CNOT1: variants seen among roughly 807,000 people sequenced by gnomAD.
CNOT1 encodes the protein CCR4-associated factor 1.
A neutral mutation model predicts 273.8 loss-of-function variants in CNOT1; 15 were observed. That is an observed-to-expected ratio of 0.05 (90% confidence interval 0.04 to 0.08). The LOEUF (loss-of-function observed/expected upper bound fraction) is 0.08, where lower values mean the gene tolerates loss of function less well. Among genes scored for constraint, CNOT1 ranks in the 10% least tolerant of loss-of-function variants. The pLI is 1.00. For missense variants in CNOT1, 1,644 were observed against 2,912.2 expected (o/e 0.56, Z 10.02); for synonymous variants, 1,022 against 1,005.5 (o/e 1.02, Z -0.31).
chr16:58,608,068 C>A (rs2042752361), intron 1 of CNOT1, among the ~76,000 whole-genome samples: 1 of 151,586 alleles, frequency 6.6e-6, no homozygotes, highest in Admixed American at 6.6e-5. Flanking sequence ...CCCACCTACT[C>A]AGGAGGATAA....
chr16:58,521,419 C>A, intron 47 of CNOT1, 102 bp from the exon 48 acceptor site: 2 of 1,209,968 alleles, frequency 1.7e-6, no homozygotes, highest in Non-Finnish European at 2.3e-6. Flanking sequence ...TATTGAACCA[C>A]ATGCAAAAGT....
At chr16:58,544,228 A>G (rs2040185461) in intron 30 of CNOT1, among the ~76,000 whole-genome samples, 2 of 152,218 alleles carry the variant, frequency 1.3e-5, no homozygotes, top group Non-Finnish European at 2.9e-5. Flanking sequence ...TGCTCTTAAA[A>G]GAAAGCAACT....
intron 1 of CNOT1, among the ~76,000 whole-genome samples, chr16:58,629,344 G>C (rs1285985164): frequency 6.6e-6 from 1 of 152,238 alleles, no homozygotes; most frequent in Non-Finnish European, 1.5e-5. Flanking sequence ...CAGTAGTTAA[G>C]GAGGTCGTGG....
At position 58,551,210 on chromosome 16, in the gene CNOT1, A is replaced by C. The variant is rs775046061; in HGVS notation, c.3264T>G (p.Ile1088Met). ...LLVATDQTERIVEPPENIQEK... is the reference protein window; with the variant it reads ...LLVATDQTERMVEPPENIQEK... ...CCTGGATATTTTCTGGGGGCTCCACAATTCTCTCAGTTTGATCTGTGGCCA... is the reference window on the plus strand; with the variant it reads ...CCTGGATATTTTCTGGGGGCTCCACCATTCTCTCAGTTTGATCTGTGGCCA... Residue 1088 changes from isoleucine to methionine, a missense_variant, in exon 24 of 49, where the codon ATT becomes ATG. Transcript: ENST00000317147. 1 of 1,610,262 alleles carries C rather than the reference A, an allele frequency of 6.2e-7. No homozygotes were observed. Among genetic ancestry groups the C allele is most frequent in the South Asian group, 1.1e-5 (1 of 89,796 alleles).
At chr16:58,538,995 T>G in intron 35 of CNOT1, 81 bp from the exon 36 acceptor site, 1 of 1,541,268 alleles carries the variant, frequency 6.5e-7, no homozygotes. Context: ...CAAATCTCAA[T>G]GCCAAGTACC....
chr16:58,534,652 T>C (rs112327084), intron 39 of CNOT1, among the ~76,000 whole-genome samples: 10 of 152,174 alleles, frequency 6.6e-5, no homozygotes, highest in African/African-American at 1.4e-4. Flanking sequence ...TTTTGAACAG[T>C]AGGTCCCCAC....
intron 16 of CNOT1, among the ~76,000 whole-genome samples, chr16:58,562,196 A>G (rs1371551594): frequency 1.3e-5 from 2 of 151,496 alleles, no homozygotes; most frequent in African/African-American, 4.9e-5. Context: ...AAAAAAAAAA[A>G]AGAGGCTCTA....
chr16:58,539,785 G>A lies in CNOT1; in HGVS notation c.4975C>T (p.Leu1659Phe). ...SRNSRDAIAA[L>F]GLLQKAVEGL... is the part of the protein sequence containing the mutation. ...GAACCAACCTTTTGGAGCAATCCAA[G>A]AGCAGCTATGGCATCCCGAGAGTTT... Residue 1659 changes from leucine (L) to phenylalanine (F), a missense_variant, in exon 35 of 49, where the codon CTT becomes TTT. Coordinates refer to ENST00000317147, the MANE Select transcript of CNOT1 (RefSeq NM_016284.5). 6.2e-7 allele frequency: 1 copy of A among 1,613,456 alleles called. No homozygotes were observed. Among genetic ancestry groups the A allele is most frequent in the Non-Finnish European group, 8.5e-7 (1 of 1,179,764 alleles).
At chr16:58,561,893 G>A (rs971174265) in intron 16 of CNOT1, among the ~76,000 whole-genome samples, 11 of 152,122 alleles carry the variant, frequency 7.2e-5, no homozygotes, top group African/African-American at 2.7e-4. Context: ...GCTCTACTCG[G>A]GCCGGGTGCG....
At chr16:58,560,063 T>C (rs1243522164) in intron 17 of CNOT1, 149 bp downstream of exon 17, 5 of 1,508,680 alleles carry the variant, frequency 3.3e-6, no homozygotes, top group Non-Finnish European at 4.4e-6. Flanking sequence ...CTACAATGCC[T>C]ATTTACATAT....
intron 1 of CNOT1, among the ~76,000 whole-genome samples, chr16:58,607,238 C>T (rs565392748): frequency 6.6e-6 from 1 of 152,294 alleles, no homozygotes; most frequent in Admixed American, 6.5e-5. Context: ...GTATTATTTA[C>T]CGCAGCAGTA....
chr16:58,560,062 C>T (rs1462626553), intron 17 of CNOT1, 150 bp downstream of exon 17: 11 of 1,506,980 alleles, frequency 7.3e-6, no homozygotes, highest in Non-Finnish European at 8.9e-6. Context: ...ACTACAATGC[C>T]TATTTACATA....
intron 22 of CNOT1, among the ~76,000 whole-genome samples, chr16:58,552,470 C>T (rs956611588): frequency 1.3e-5 from 2 of 152,102 alleles, no homozygotes; most frequent in Non-Finnish European, 2.9e-5. Context: ...GGCTATCTTG[C>T]TACAGTGGGT....
chr16:58,568,680 G>A (rs554593391), intron 16 of CNOT1, among the ~76,000 whole-genome samples: 19 of 150,588 alleles, frequency 1.3e-4, no homozygotes, highest in Admixed American at 1.1e-3. Context: ...ACTCCGTCTC[G>A]ATTTTAAAAA....
chr16:58,580,679 T>C lies in CNOT1; in HGVS notation c.1297A>G (p.Ile433Val). 7 of 1,613,504 alleles carry C rather than the reference T, an allele frequency of 4.3e-6. No homozygotes were observed. The highest frequency in any genetic ancestry group is 5.9e-6 in the Non-Finnish European group (7 of 1,179,724). ...DYPCHTVATD[I>V]LKAPPEDDNR... is the part of the protein sequence containing the mutation. ...TCATCCTCTGGTGGTGCTTTCAGAA[T>C]ATCAGTGGCAACAGTATGACAGGGA... Residue 433 changes from isoleucine to valine, a missense_variant, in exon 12 of 49, where the codon ATT becomes GTT. Physicochemically the swap from Ile to Val is conservative, Grantham distance 29. Transcript: ENST00000317147.
rs994402988 is a variant in CNOT1, at chr16:58,523,152, C to T, written c.6917+218G>A. ...CCCAGCTACTTGAGAGGCTAAGGCA[C>T]GAGAATCGCTTGAACCTGGGAGGCG... On this transcript the variant is annotated intron_variant, in intron 47 of 48. Transcript: ENST00000317147. The T allele has an allele frequency of 3.4e-5, 11 of 321,440 alleles. 1 individual carries two copies. The highest frequency in any genetic ancestry group is 1.0e-4 in the East Asian group (2 of 19,276). The allele number at this position is 321,440 out of a possible 1,614,324, so 19.9% of individuals were successfully genotyped here. A position where few individuals can be genotyped will look rare whatever the true frequency, so the allele number is the denominator to read the frequency against.
Position 58,574,993 on chromosome 16 carries a change from C to T in CNOT1, c.1827+14G>A. ...AAATTTAAGAGCAAAAATAAATGAA[C>T]AAATCCTGCTTACCCCATGCTCTCG... On this transcript the variant is annotated intron_variant, in intron 15 of 48. Coordinates refer to ENST00000317147, the MANE Select transcript of CNOT1 (RefSeq NM_016284.5). The T allele has an allele frequency of 1.2e-6, 2 of 1,609,472 alleles. No individual in the cohort carries two copies. Among genetic ancestry groups the T allele is most frequent in the South Asian group, 2.2e-5 (2 of 89,618 alleles).
chr16:58,551,304 A>G (rs779306345), intron 23 of CNOT1, 32 bp from the exon 24 acceptor site: 7 of 1,542,240 alleles, frequency 4.5e-6, no homozygotes, highest in Admixed American at 4.5e-5. Flanking sequence ...CATAAGGCAA[A>G]TAAGTTGAAA....
intron 13 of CNOT1, among the ~76,000 whole-genome samples, chr16:58,578,087 A>G (rs1294826541): frequency 6.6e-6 from 1 of 152,176 alleles, no homozygotes; most frequent in Non-Finnish European, 1.5e-5. Flanking sequence ...TGCCTCCATG[A>G]TAGATGTTTA....
Sources: allele counts gnomAD v4.1 joint callset (sites outside exome capture counted in the v4.1 genomes callset), GRCh38; gene constraint gnomAD v4.1.1; transcripts MANE v1.5; gene names NCBI Gene and HGNC (gene_info 2026-07-23, HGNC 2026-07-21).